The following CUX1 variants were observed in gnomAD, a reference collection of about 807,000 sequenced individuals.
The protein encoded by CUX1 is cut like homeobox 1, also known as protein CASP.
In CUX1, 31 loss-of-function variants were observed where a neutral mutation model predicts 158.8. The ratio of observed to expected loss-of-function variants is 0.20; its 90% CI spans 0.15 to 0.26. CUX1 has a LOEUF of 0.26. Among genes scored for constraint, CUX1 ranks in the 10% least tolerant of loss-of-function variants. The pLI is 1.00. For synonymous variants in CUX1, 879 were observed against 862.1 expected (o/e 1.02, Z -0.34); for missense variants, 1,589 against 2,014.6 (o/e 0.79, Z 4.04).
At chr7:102,150,621 G>A (rs574303643) in intron 8 of CUX1, among the ~76,000 whole-genome samples, 8 of 152,322 alleles carry the variant, frequency 5.3e-5, no homozygotes, top group Non-Finnish European at 7.4e-5. Flanking sequence ...CGCCAACACC[G>A]TGCCCCGATG....
chr7:102,023,569 G>A (rs1819641420), intron 2 of CUX1, among the ~76,000 whole-genome samples: 1 of 152,202 alleles, frequency 6.6e-6, no homozygotes, highest in South Asian at 2.1e-4. Context: ...CACCCGGGTT[G>A]AGGTGGGGAG....
At position 102,256,512 on chromosome 7, in the gene CUX1, A is replaced by C. The variant is rs1664534470; in HGVS notation, c.*7470A>C. 1 of 985,310 alleles carries C rather than the reference A, an allele frequency of 1.0e-6. No individual in the cohort carries two copies. The highest frequency in any genetic ancestry group is 1.2e-6 in the Non-Finnish European group (1 of 829,928). The allele number at this position is 985,310 out of a possible 1,614,324, so 61.0% of individuals were successfully genotyped here. ...GCGTCTGGGGGATTGACTGGGGGGCAGAGGGGGTTTCCCCAGCAAAATCAA... is the reference window on the plus strand; with the variant it reads ...GCGTCTGGGGGATTGACTGGGGGGCCGAGGGGGTTTCCCCAGCAAAATCAA... On this transcript the variant is annotated 3_prime_UTR_variant, in exon 24 of 24. Transcript: ENST00000292535.
chr7:101,995,789 G>T (rs1012814071), intron 2 of CUX1, among the ~76,000 whole-genome samples: 9 of 152,162 alleles, frequency 5.9e-5, no homozygotes, highest in African/African-American at 7.2e-5. Context: ...CAGCTTGCAG[G>T]AAGGTTGCCA....
chr7:102,034,997 A>G (rs1821259776), intron 3 of CUX1, among the ~76,000 whole-genome samples: 1 of 151,736 alleles, frequency 6.6e-6, no homozygotes, highest in Non-Finnish European at 1.5e-5. Context: ...ACATCTTAGG[A>G]ATAGAGGGAA....
intron 2 of CUX1, among the ~76,000 whole-genome samples, chr7:102,021,980 CAG>C (rs1819426634): frequency 6.6e-6 from 1 of 152,208 alleles, no homozygotes; most frequent in Admixed American, 6.5e-5. Flanking sequence ...CTCCTGCAGA[CAG>C]AGGTGAACCT....
intron 3 of CUX1, among the ~76,000 whole-genome samples, chr7:102,050,218 T>G (rs574870451): frequency 3.9e-4 from 60 of 152,330 alleles, no homozygotes; most frequent in African/African-American, 1.3e-3. Flanking sequence ...TCATGTCCGC[T>G]TCTCTGTCCC....
intron 1 of CUX1, among the ~76,000 whole-genome samples, chr7:101,835,066 A>G (rs1413566215): frequency 1.3e-5 from 2 of 152,076 alleles, no homozygotes; most frequent in Non-Finnish European, 2.9e-5. Context: ...TATACTCACA[A>G]TGTCGTGCAG....
intron 1 of CUX1, among the ~76,000 whole-genome samples, chr7:101,847,564 T>C (rs1365214404): frequency 6.6e-6 from 1 of 152,182 alleles, no homozygotes; most frequent in Non-Finnish European, 1.5e-5. Flanking sequence ...TAGAGGATTC[T>C]GTGAGACTCA....
At chr7:101,905,123 G>A (rs1802612148) in intron 1 of CUX1, among the ~76,000 whole-genome samples, 1 of 152,094 alleles carries the variant, frequency 6.6e-6, no homozygotes, top group South Asian at 2.1e-4. Context: ...TGGGTGGGGG[G>A]CTCAGAACCT....
Position 102,273,440 on chromosome 7 carries a change from C to T in CUX1, c.1330C>T (p.Arg444Cys), listed in dbSNP as rs145765083. The change falls in exon 15 of 23, where the codon CGC becomes TGC. Residue 444 changes from arginine (R) to cysteine (C), a missense_variant. Transcript: ENST00000292538. Reference sequence around the variant, plus strand: ...CACTGAGCAGAGAGAGCTGATCGCCCGCCTGGAGCAGGACCTGAGCATCAT... The same window carrying T: ...CACTGAGCAGAGAGAGCTGATCGCCTGCCTGGAGCAGGACCTGAGCATCAT... 176 of 1,613,302 alleles carry T rather than the reference C, an allele frequency of 1.1e-4. 1 individual carries two copies. The East Asian group carries it at 2.0e-3, about 18-fold the overall frequency.
intron 2 of CUX1, among the ~76,000 whole-genome samples, chr7:101,931,668 C>T (rs577195087): frequency 2.6e-4 from 39 of 152,094 alleles, no homozygotes; most frequent in Non-Finnish European, 4.9e-4. Flanking sequence ...CGGGCTCAAG[C>T]GATCCTCACT....
At chr7:101,934,308 A>G (rs1162184718) in intron 2 of CUX1, among the ~76,000 whole-genome samples, 1 of 152,214 alleles carries the variant, frequency 6.6e-6, no homozygotes, top group Non-Finnish European at 1.5e-5. Context: ...TAGAGATAGC[A>G]TAGTCGATGT....
At chr7:102,003,684 G>A (rs1013954756) in intron 2 of CUX1, among the ~76,000 whole-genome samples, 2 of 152,178 alleles carry the variant, frequency 1.3e-5, no homozygotes, top group African/African-American at 4.8e-5. Context: ...TGGGGTGTTT[G>A]CAGCCTCGTA....
At chr7:101,862,135 A>ATGAG (rs1246552237) in intron 1 of CUX1, among the ~76,000 whole-genome samples, 1 of 152,008 alleles carries the variant, frequency 6.6e-6, no homozygotes, top group East Asian at 1.9e-4. Context: ...GTGCCCGGCC[A>ATGAG]CCCCTAATGT....
At position 102,239,397 on chromosome 7, in the gene CUX1, C is replaced by T; in HGVS notation, c.3700C>T (p.Gln1234Ter). Residue 1234 changes from glutamine (Q) to a stop codon, truncating the protein, a stop_gained, in exon 23 of 24, where the codon CAG (glutamine) becomes TAG (stop). Transcript: ENST00000292535. LOFTEE classifies it high-confidence loss of function. ...EPPSVGTEYS[Q>*]GASPQPQHQL... ...GCCCTCTGTCGGCACCGAGTACAGCCAGGGCGCCAGCCCCCAGCCCCAGCA... is the reference window on the plus strand; with the variant it reads ...GCCCTCTGTCGGCACCGAGTACAGCTAGGGCGCCAGCCCCCAGCCCCAGCA... 1 of 1,613,544 alleles carries T rather than the reference C, an allele frequency of 6.2e-7. No individual in the cohort carries two copies. The highest frequency in any genetic ancestry group is 8.5e-7 in the Non-Finnish European group (1 of 1,179,944).
chr7:102,237,755 G>T (rs578086364), intron 22 of CUX1, among the ~76,000 whole-genome samples: 1 of 152,164 alleles, frequency 6.6e-6, no homozygotes, highest in African/African-American at 2.4e-5. Flanking sequence ...TGGGCCCGGG[G>T]AACCACTACC....
chr7:102,002,595 C>A (rs939426232), intron 2 of CUX1, among the ~76,000 whole-genome samples: 1 of 152,180 alleles, frequency 6.6e-6, no homozygotes, highest in African/African-American at 2.4e-5. Flanking sequence ...TACAAGGGGG[C>A]CTTGCTGTTG....
Position 101,980,339 on chromosome 7 carries a change from C to G in CUX1, c.142-47759C>G, listed in dbSNP as rs113021015. ...TGGGCAACATAGCAAGACCCTGTTT[C>G]TCCAAAAAAAATGTTTAAAAAGTAG... On this transcript the variant is annotated intron_variant, in intron 2 of 23. Coordinates refer to ENST00000292535, the MANE Select transcript of CUX1 (RefSeq NM_181552.4). Among the ~76,000 whole-genome samples the G allele has an allele frequency of 6.6e-5, 10 of 152,132 alleles. 1 individual carries two copies. The highest frequency in any genetic ancestry group is 2.4e-4 in the African/African-American group (10 of 41,518).
chr7:102,189,681 C>G, intron 11 of CUX1, 132 bp from the exon 12 acceptor site: 1 of 916,386 alleles, frequency 1.1e-6, no homozygotes, highest in Non-Finnish European at 1.7e-6. Context: ...GGCCCCAGCA[C>G]CGTTGACTCC....
Sources: gnomAD v4.1 joint callset for allele counts (sites outside exome capture counted in the v4.1 genomes callset) on GRCh38, gnomAD v4.1.1 for gene constraint, MANE v1.5 for transcripts, NCBI Gene and HGNC (gene_info 2026-07-23, HGNC 2026-07-21) for gene names.